Variants in ITGA8 observed in about 807,000 individuals in gnomAD.
ITGA8 encodes integrin subunit alpha 8, also known as integrin alpha-8.
In ITGA8, 91 loss-of-function variants were observed where a neutral mutation model predicts 142.3. The ratio of observed to expected loss-of-function variants is 0.64; its 90% CI spans 0.54 to 0.76. The LOEUF is 0.76. Ranked by LOEUF, ITGA8 falls within the 30% of genes least tolerant of loss-of-function variation. The pLI, the probability that ITGA8 is intolerant of heterozygous loss-of-function variation, is 0.00. For synonymous variants in ITGA8, 505 were observed against 485.2 expected, an observed-to-expected ratio of 1.04 and a Z score of -0.54; for missense variants, 1,406 against 1,327.7, an observed-to-expected ratio of 1.06 and a Z score of -0.92.
intron 2 of ITGA8, among the ~76,000 whole-genome samples, chr10:15,715,806 C>T (rs1008212084): frequency 1.3e-5 from 2 of 152,254 alleles, no homozygotes; most frequent in Non-Finnish European, 2.9e-5. Context: ...GTGCCTTCTT[C>T]ACTTGCACAG....
At chr10:15,555,871 G>T (rs942395094) in intron 26 of ITGA8, among the ~76,000 whole-genome samples, 1 of 151,546 alleles carries the variant, frequency 6.6e-6, no homozygotes, top group Non-Finnish European at 1.5e-5. Flanking sequence ...AATTTTTTTT[G>T]TATTTTTAGT....
intron 8 of ITGA8, among the ~76,000 whole-genome samples, chr10:15,669,455 T>A (rs1329947094): frequency 6.6e-6 from 1 of 152,218 alleles, no homozygotes; most frequent in South Asian, 2.1e-4. Context: ...TTCTTTGCCA[T>A]TGGTTCGAAT....
In ITGA8 at chr10:15,514,461, G is replaced by T. The variant is rs929103140; in HGVS notation, c.*2697C>A. The T allele has an allele frequency of 2.0e-5, 3 of 151,850 alleles. No homozygotes were observed. Among genetic ancestry groups the T allele is most frequent in the Non-Finnish European group, 2.9e-5 (2 of 68,004 alleles). 9.4% of individuals were successfully genotyped at this position (151,850 alleles called of 1,614,324 possible). ...GTCGCCCAGGCTGGAGTGCAGTCGC[G>T]CGATCTCAGCTCACTGCAACCTCCG... On this transcript the variant is annotated 3_prime_UTR_variant, in exon 30 of 30. Coordinates refer to ENST00000378076, the MANE Select transcript of ITGA8 (RefSeq NM_003638.3).
chr10:15,567,101 G>A (rs1381878184), intron 25 of ITGA8, among the ~76,000 whole-genome samples: 2 of 150,548 alleles, frequency 1.3e-5, no homozygotes, highest in African/African-American at 4.9e-5. Flanking sequence ...GTTGCAGTGA[G>A]CTGAGATTTC....
chr10:15,694,975 G>C (rs1196435743), intron 2 of ITGA8, among the ~76,000 whole-genome samples: 1 of 151,984 alleles, frequency 6.6e-6, no homozygotes, highest in Non-Finnish European at 1.5e-5. Flanking sequence ...AAGGACTTCA[G>C]AAGAGCAGAC....
intron 2 of ITGA8, among the ~76,000 whole-genome samples, chr10:15,708,421 T>A (rs1194347421): frequency 6.6e-6 from 1 of 152,010 alleles, no homozygotes; most frequent in Non-Finnish European, 1.5e-5. Flanking sequence ...TGGAACAGGT[T>A]GGGGGACTGA....
rs762296597 is a variant in ITGA8, at chr10:15,659,019, G to C, written c.928C>G (p.Gln310Glu). 6.2e-7 allele frequency: 1 copy of C among 1,606,048 alleles called. No homozygotes were observed. The highest frequency in any genetic ancestry group is 1.7e-5 in the Admixed American group (1 of 59,400). Residue 310 changes from glutamine to glutamate, a missense_variant, in exon 10 of 30, where the codon CAG (glutamine) becomes GAG (glutamate). Transcript: ENST00000378076. Reference sequence around the variant, plus strand: ...TCTACCTGTTCTCCCGTGAAATTCTGAATAAACGTCATATCCGTAGAGTTA... The same window carrying C: ...TCTACCTGTTCTCCCGTGAAATTCTCAATAAACGTCATATCCGTAGAGTTA... ...IINSTDMTFI[Q>E]NFTGEQMASY... is the part of the protein sequence containing the mutation.
chr10:15,650,076 T>C (rs1834058538), intron 11 of ITGA8, among the ~76,000 whole-genome samples: 1 of 152,168 alleles, frequency 6.6e-6, no homozygotes, highest in Non-Finnish European at 1.5e-5. Flanking sequence ...TCATGGTACA[T>C]CATATAATAA....
At position 15,558,063 on chromosome 10, in the gene ITGA8, G is replaced by A; in HGVS notation, c.2766+11C>T. 2 of 1,613,602 alleles carry A rather than the reference G, an allele frequency of 1.2e-6. No homozygotes were observed. Among genetic ancestry groups the A allele is most frequent in the Middle Eastern group, 1.8e-4 (1 of 5,704 alleles). ...ATTTCCCTCAGTTCTATGCACACTG[G>A]GATAACTCACCAGTATTTTTGCAGG... On this transcript the variant is annotated intron_variant, in intron 26 of 29. Transcript: ENST00000378076.
At chr10:15,529,091 C>G (rs1000143417) in intron 28 of ITGA8, among the ~76,000 whole-genome samples, 1 of 150,406 alleles carries the variant, frequency 6.6e-6, no homozygotes, top group African/African-American at 2.5e-5. Context: ...TTTCTTTCTT[C>G]CCTTCTTCCT....
rs199606150 is a variant in ITGA8 at position 15,649,615 on chromosome 10, C to CAA, written c.1002-2566_1002-2565dup. Among the ~76,000 whole-genome samples, 847 of 87,894 alleles carry CAA rather than the reference C, an allele frequency of 9.6e-3. 8 individuals are homozygous for CAA. The highest frequency in any genetic ancestry group is 0.033 in the African/African-American group (699 of 21,182). 57.7% of individuals were successfully genotyped at this position (87,894 alleles called of 152,430 possible). On this transcript the variant is annotated intron_variant, in intron 11 of 29. Transcript: ENST00000378076. ...TAGATGGCAGAGTGAGACTCCGTCT[C>CAA]AAAAAAAAAAAAAAAAAATTGGGCA...
At chr10:15,546,326 A>G (rs1445382558) in intron 27 of ITGA8, among the ~76,000 whole-genome samples, 3 of 152,332 alleles carry the variant, frequency 2.0e-5, no homozygotes. Context: ...TATTTCTCCT[A>G]TAACTAGACC....
intron 10 of ITGA8, among the ~76,000 whole-genome samples, chr10:15,656,380 T>C (rs1834185892): frequency 1.3e-5 from 2 of 152,046 alleles, no homozygotes; most frequent in South Asian, 4.2e-4. Context: ...TATTTATTTT[T>C]TGAGATGAAG....
chr10:15,700,123 A>G (rs1276737297), intron 2 of ITGA8, among the ~76,000 whole-genome samples: 1 of 152,136 alleles, frequency 6.6e-6, no homozygotes, highest in Non-Finnish European at 1.5e-5. Flanking sequence ...AATTGGGATT[A>G]TTGTCCATCT....
At chr10:15,687,348 T>A (rs767681367) in intron 3 of ITGA8, among the ~76,000 whole-genome samples, 4 of 152,142 alleles carry the variant, frequency 2.6e-5, no homozygotes, top group Admixed American at 1.3e-4. Context: ...ATAGTCATTT[T>A]CTTCTCGGTA....
intron 22 of ITGA8, among the ~76,000 whole-genome samples, chr10:15,587,003 A>C (rs966097535): frequency 6.6e-6 from 1 of 151,870 alleles, no homozygotes; most frequent in Non-Finnish European, 1.5e-5. Context: ...GCTCACTGCA[A>C]CCTCTGCCTC....
chr10:15,692,894 T>C (rs909925515), intron 2 of ITGA8, among the ~76,000 whole-genome samples: 2 of 152,102 alleles, frequency 1.3e-5, no homozygotes, highest in African/African-American at 4.8e-5. Context: ...ATGGTGAAAC[T>C]GTGTCTCTAC....
intron 2 of ITGA8, among the ~76,000 whole-genome samples, chr10:15,689,379 G>A (rs1407364455): frequency 1.3e-5 from 2 of 152,152 alleles, no homozygotes; most frequent in Non-Finnish European, 2.9e-5. Context: ...CCGGATGGCC[G>A]CAGAGAGAAG....
chr10:15,668,256 C>G (rs1294459444), intron 8 of ITGA8, among the ~76,000 whole-genome samples: 1 of 152,106 alleles, frequency 6.6e-6, no homozygotes, highest in Non-Finnish European at 1.5e-5. Flanking sequence ...TTGAATTGAT[C>G]CTTTTATCAT....
Sources: allele counts gnomAD v4.1 joint callset (sites outside exome capture counted in the v4.1 genomes callset), GRCh38; gene constraint gnomAD v4.1.1; transcripts MANE v1.5; gene names NCBI Gene and HGNC (gene_info 2026-07-23, HGNC 2026-07-21).